The following CREBBP variants were observed in gnomAD, a reference collection of about 807,000 sequenced individuals.
CREBBP encodes CREB binding lysine acetyltransferase, also known as CREB-binding protein.
Under a neutral mutation model 265.0 loss-of-function variants are expected in CREBBP, and 19 were observed. The observed-to-expected ratio is 0.07, with a 90% CI of 0.05 to 0.11. CREBBP has a LOEUF of 0.11. Among genes scored for constraint, CREBBP ranks in the 10% least tolerant of loss-of-function variants. CREBBP has a pLI of 1.00. For synonymous variants in CREBBP, 1,457 were observed against 1,223.7 expected (o/e 1.19, Z -3.98); for missense variants, 2,525 against 3,219.0 (o/e 0.78, Z 5.22).
chr16:3,736,395 G>A (rs770896332), intron 27 of CREBBP, 192 bp from the exon 28 acceptor site: 3 of 752,322 alleles, frequency 4.0e-6, no homozygotes, highest in Non-Finnish European at 6.7e-6. Context: ...GCCCCTATGT[G>A]TGCAACAGTG....
In CREBBP at chr16:3,840,323, A is replaced by T. The variant is rs76353113; in HGVS notation, c.798+9974T>A. 3.7e-3 allele frequency among the ~76,000 whole-genome samples: 570 copies of T among 152,294 alleles called. 13 individuals are homozygous for T. Among genetic ancestry groups the T allele is most frequent in the Admixed American group, 0.028 (423 of 15,294 alleles). On this transcript the variant is annotated intron_variant, in intron 2 of 30. Coordinates refer to ENST00000262367, the MANE Select transcript of CREBBP (RefSeq NM_004380.3). ...AATCCCAGCACTTTGGGCAGCCAAG[A>T]CGGCAGTCGGCTTGAGTTCAGTTCA...
intron 1 of CREBBP, among the ~76,000 whole-genome samples, chr16:3,868,249 A>G (rs2055219716): frequency 6.6e-6 from 1 of 152,130 alleles, no homozygotes; most frequent in Admixed American, 6.5e-5. Flanking sequence ...TATATTATCT[A>G]CTCACAAGAA....
rs2051755595 is a variant in CREBBP at position 3,726,693 on chromosome 16, A to G, written c.*1025T>C. ...TTATATCAATTTTAAGCGGTACTTTATATACAATGGGGAAAAAACACATGC... is the reference window on the plus strand; with the variant it reads ...TTATATCAATTTTAAGCGGTACTTTGTATACAATGGGGAAAAAACACATGC... On this transcript the variant is annotated 3_prime_UTR_variant, in exon 31 of 31. Transcript: ENST00000262367. 4.3e-6 allele frequency: 1 copy of G among 233,706 alleles called. No individual in the cohort carries two copies. Among genetic ancestry groups the G allele is most frequent in the Non-Finnish European group, 8.5e-6 (1 of 118,056 alleles). The allele number at this position is 233,706 out of a possible 1,614,324, so 14.5% of individuals were successfully genotyped here.
At chr16:3,787,070 CAAAA>C (rs757962926) in intron 5 of CREBBP, among the ~76,000 whole-genome samples, 3 of 86,982 alleles carry the variant, frequency 3.4e-5, no homozygotes, top group Admixed American at 1.3e-4. Flanking sequence ...GACTTCGTCT[CAAAA>C]AAAAAAAAAA....
At chr16:3,794,115 C>T (rs571353854) in intron 3 of CREBBP, among the ~76,000 whole-genome samples, 309 of 151,904 alleles carry the variant, frequency 2.0e-3, no homozygotes, top group Middle Eastern at 6.8e-3. Context: ...ATCACGAGGT[C>T]AGGAGATCGG....
At chr16:3,842,067 A>G (rs1423772432) in intron 2 of CREBBP, among the ~76,000 whole-genome samples, 1 of 152,140 alleles carries the variant, frequency 6.6e-6, no homozygotes, top group Non-Finnish European at 1.5e-5. Flanking sequence ...GGGTTTTCTG[A>G]CCACTTTCTA....
At chr16:3,748,588 G>T (rs1447064586) in intron 21 of CREBBP, among the ~76,000 whole-genome samples, 1 of 152,204 alleles carries the variant, frequency 6.6e-6, no homozygotes, top group Non-Finnish European at 1.5e-5. Context: ...CCCTGGAGAG[G>T]GTCAGGATAG....
intron 2 of CREBBP, among the ~76,000 whole-genome samples, chr16:3,826,735 G>A (rs1053359363): frequency 6.6e-6 from 1 of 152,124 alleles, no homozygotes; most frequent in Non-Finnish European, 1.5e-5. Flanking sequence ...ATCAAGAGGC[G>A]CCTAAGGAGA....
chr16:3,767,668 A>C, intron 16 of CREBBP, 52 bp downstream of exon 16: 1 of 1,611,686 alleles, frequency 6.2e-7, no homozygotes, highest in Non-Finnish European at 8.5e-7. Flanking sequence ...ATGGAATCCT[A>C]ACACCGTGGA....
At chr16:3,749,016 G>A (rs1373889602) in intron 21 of CREBBP, among the ~76,000 whole-genome samples, 1 of 152,094 alleles carries the variant, frequency 6.6e-6, no homozygotes, top group Admixed American at 6.5e-5. Context: ...GCGTGGTGGT[G>A]GGCGCCTGTA....
intron 1 of CREBBP, among the ~76,000 whole-genome samples, chr16:3,856,252 T>C (rs918000418): frequency 2.6e-5 from 4 of 152,200 alleles, no homozygotes; most frequent in Non-Finnish European, 5.9e-5. Context: ...CAGCCCCCTA[T>C]AGCTGGGACC....
rs1474665099 is a variant in CREBBP, at chr16:3,726,593, TATAA to T, written c.*1121_*1124del. ...ACAAAGAACAGACTCAAAAAATATA[TATAA>T]ATAAATAAAAACCTTAAACATTCTT... On this transcript the variant is annotated 3_prime_UTR_variant, in exon 31 of 31. Transcript: ENST00000262367. 2 of 233,368 alleles carry T rather than the reference TATAA, an allele frequency of 8.6e-6. No individual in the cohort carries two copies. Among genetic ancestry groups the T allele is most frequent in the Admixed American group, 5.6e-5 (1 of 17,774 alleles). 14.5% of individuals were successfully genotyped at this position (233,368 alleles called of 1,614,324 possible). A position where few individuals can be genotyped will look rare whatever the true frequency, so the allele number is the denominator to read the frequency against.
chr16:3,732,949 C>T (rs2051955999), intron 28 of CREBBP, among the ~76,000 whole-genome samples: 1 of 152,130 alleles, frequency 6.6e-6, no homozygotes. Flanking sequence ...ATCCGCCCGC[C>T]TGAGCCTCCC....
chr16:3,826,752 G>A (rs1186577343), intron 2 of CREBBP, among the ~76,000 whole-genome samples: 3 of 152,152 alleles, frequency 2.0e-5, no homozygotes, highest in Non-Finnish European at 2.9e-5. Flanking sequence ...GAGACAGGAC[G>A]ATTAAAAGTA....
rs759845532 is a variant in CREBBP at position 3,728,270 on chromosome 16, G to A, written c.6777C>T (p.Ser2259=). The stretch of plus-strand genomic sequence containing the variant: ...TCTGAGCCGCCATCTGGCCCATGGA[G>A]CTGCCCTGGAGGGGGAGATGCTGCT... ...RMQQHLPLQG[S]SMGQMAAQMG... Residue 2259 remains serine (S), a synonymous_variant, in exon 31 of 31, where the codon AGC becomes AGT. Transcript: ENST00000262367. This position sits in a 1 kb window ranked among gnomAD's most constrained non-coding sequence, Gnocchi z 8.7. 12 of 1,612,254 alleles carry A rather than the reference G, an allele frequency of 7.4e-6. No individual in the cohort carries two copies. The highest frequency in any genetic ancestry group is 2.2e-5 in the East Asian group (1 of 44,882).
chr16:3,754,149 G>A (rs763273265), intron 19 of CREBBP, among the ~76,000 whole-genome samples: 18 of 152,288 alleles, frequency 1.2e-4, no homozygotes, highest in Middle Eastern at 3.4e-3. Context: ...CAGACTCCTT[G>A]TCTGCCTCAA....
intron 1 of CREBBP, among the ~76,000 whole-genome samples, chr16:3,864,312 T>A (rs1418356058): frequency 6.6e-6 from 1 of 152,134 alleles, no homozygotes; most frequent in Non-Finnish European, 1.5e-5. Context: ...TGTGGGCTAT[T>A]TGAGAGCCAC....
chr16:3,752,460 T>C (rs1158755098), intron 19 of CREBBP, among the ~76,000 whole-genome samples: 1 of 152,020 alleles, frequency 6.6e-6, no homozygotes, highest in Non-Finnish European at 1.5e-5. Context: ...TTCCTGTTTT[T>C]TTTTTTTTCA....
chr16:3,846,254 A>T (rs1447744024), intron 2 of CREBBP, among the ~76,000 whole-genome samples: 2 of 152,254 alleles, frequency 1.3e-5, no homozygotes, highest in Non-Finnish European at 2.9e-5. Context: ...GAAAAGACAC[A>T]CTTAACAAAG....
Sources: allele counts gnomAD v4.1 joint callset (sites outside exome capture counted in the v4.1 genomes callset), GRCh38; gene constraint gnomAD v4.1.1; non-coding constraint Gnocchi (gnomAD v3.1); transcripts MANE v1.5; gene names NCBI Gene and HGNC (gene_info 2026-07-23, HGNC 2026-07-21).